Variants in SGCD observed in about 807,000 individuals in gnomAD.
SGCD encodes delta-sarcoglycan.
A neutral mutation model predicts 36.6 loss-of-function variants in SGCD; 18 were observed. The ratio of observed to expected loss-of-function variants is 0.49; its 90% CI spans 0.34 to 0.73. SGCD has a LOEUF of 0.73. Among genes scored for constraint, SGCD ranks in the 30% least tolerant of loss-of-function variants. SGCD has a pLI of 0.01. For missense variants in SGCD, 387 were observed against 346.7 expected, an observed-to-expected ratio of 1.12 and a Z score of -0.92; for synonymous variants, 133 against 130.6, an observed-to-expected ratio of 1.02 and a Z score of -0.12.
At chr5:156,609,252 T>C (rs575811644) in intron 6 of SGCD, among the ~76,000 whole-genome samples, 1 of 152,292 alleles carries the variant, frequency 6.6e-6, no homozygotes, top group East Asian at 1.9e-4. Context: ...GGTGACAAAA[T>C]CTCTCAGCAT....
intron 7 of SGCD, among the ~76,000 whole-genome samples, chr5:156,676,951 A>G (rs1319756165): frequency 6.6e-6 from 1 of 152,172 alleles, no homozygotes; most frequent in Admixed American, 6.5e-5. Context: ...GACCTTAAAT[A>G]CCTAGGCAAG....
At chr5:156,613,500 G>A (rs1309497705) in intron 6 of SGCD, among the ~76,000 whole-genome samples, 1 of 152,208 alleles carries the variant, frequency 6.6e-6, no homozygotes, top group Non-Finnish European at 1.5e-5. Context: ...TCTCCAGTTG[G>A]ACCTTAAGTA....
At chr5:156,307,879 TCTTTTA>T (rs1561611951) in intron 3 of SGCD, among the ~76,000 whole-genome samples, 287 of 152,250 alleles carry the variant, frequency 1.9e-3, no homozygotes, top group African/African-American at 6.8e-3. Context: ...AAACTGATAA[TCTTTTA>T]ATGCGTTAGT....
intron 3 of SGCD, among the ~76,000 whole-genome samples, chr5:156,188,474 C>A (rs1291855758): frequency 2.0e-5 from 3 of 152,084 alleles, no homozygotes; most frequent in African/African-American, 4.8e-5. Flanking sequence ...AGGACCTACT[C>A]AAATATAGCA....
At chr5:156,518,305 G>A (rs56235470) in intron 4 of SGCD, among the ~76,000 whole-genome samples, 35,949 of 152,052 alleles carry the variant, frequency 0.24, 4,805 homozygotes, top group Non-Finnish European at 0.31. Context: ...AAATATATAT[G>A]CACCCAAATA....
chr5:156,415,974 C>T (rs551304935), intron 3 of SGCD, among the ~76,000 whole-genome samples: 30 of 152,212 alleles, frequency 2.0e-4, no homozygotes, highest in Admixed American at 1.6e-3. Flanking sequence ...CATCAAATTG[C>T]TGAAACATTA....
intron 1 of SGCD, among the ~76,000 whole-genome samples, chr5:156,036,315 T>G (rs1759495086): frequency 6.6e-6 from 1 of 152,126 alleles, no homozygotes; most frequent in Non-Finnish European, 1.5e-5. Flanking sequence ...AGCAGAGTTT[T>G]TAAAGGCAGG....
At chr5:156,108,310 A>T (rs1185499621) in intron 1 of SGCD, among the ~76,000 whole-genome samples, 1 of 152,168 alleles carries the variant, frequency 6.6e-6, no homozygotes, top group Non-Finnish European at 1.5e-5. Context: ...GCAAGCAGTT[A>T]TGTATAGGAT....
At chr5:156,060,501 G>A (rs1025823362) in intron 1 of SGCD, among the ~76,000 whole-genome samples, 1 of 146,486 alleles carries the variant, frequency 6.8e-6, no homozygotes, top group Non-Finnish European at 1.5e-5. Flanking sequence ...CAAATATTCA[G>A]TTCATTTCTT....
intron 1 of SGCD, among the ~76,000 whole-genome samples, chr5:155,963,009 C>T (rs1757822828): frequency 2.0e-5 from 3 of 152,138 alleles, no homozygotes; most frequent in South Asian, 4.1e-4. Context: ...AGCAGGTCTC[C>T]GTTTGATTAT....
intron 1 of SGCD, among the ~76,000 whole-genome samples, chr5:156,103,675 T>A (rs1234892499): frequency 3.3e-5 from 5 of 152,110 alleles, no homozygotes; most frequent in African/African-American, 1.2e-4. Context: ...TCATAATGAA[T>A]CATATATGAA....
chr5:155,847,609 C>T, the SGCD span, among the ~76,000 whole-genome samples: 1 of 152,140 alleles, frequency 6.6e-6, no homozygotes, highest in Non-Finnish European at 1.5e-5. Context: ...GCAGCTTCCA[C>T]TTTGATCTCT....
chr5:156,431,723 T>C (rs1188233176), intron 3 of SGCD, among the ~76,000 whole-genome samples: 1 of 152,094 alleles, frequency 6.6e-6, no homozygotes, highest in Non-Finnish European at 1.5e-5. Flanking sequence ...TTTTGTTTTG[T>C]TTTGTTTTTT....
At chr5:156,539,995 T>C (rs1758288342) in intron 4 of SGCD, among the ~76,000 whole-genome samples, 1 of 152,144 alleles carries the variant, frequency 6.6e-6, no homozygotes, top group African/African-American at 2.4e-5. Context: ...TACAGAACAC[T>C]AAGTGAATAC....
At chr5:156,324,687 T>G (rs2127698112), upstream of SGCD, among the ~76,000 whole-genome samples, 1 of 152,060 alleles carries the variant, frequency 6.6e-6, no homozygotes, top group Middle Eastern at 3.4e-3. Flanking sequence ...TCAGCTTGAG[T>G]TTTTTTTAAA....
At chr5:156,362,383 C>T (rs534334350) in intron 3 of SGCD, among the ~76,000 whole-genome samples, 1 of 152,200 alleles carries the variant, frequency 6.6e-6, no homozygotes, top group Non-Finnish European at 1.5e-5. Flanking sequence ...CGTGGTGGCT[C>T]ATGCCTGTAA....
At chr5:156,423,072 T>C (rs538696872) in intron 3 of SGCD, among the ~76,000 whole-genome samples, 137 of 147,012 alleles carry the variant, frequency 9.3e-4, no homozygotes, top group Middle Eastern at 3.5e-3. Flanking sequence ...TACAAAGGCA[T>C]ATAAGCTCCA....
intron 1 of SGCD, among the ~76,000 whole-genome samples, chr5:156,070,355 TG>T (rs931603128): frequency 1.3e-5 from 2 of 151,802 alleles, no homozygotes; most frequent in Non-Finnish European, 2.9e-5. Flanking sequence ...TGTTGAATTT[TG>T]TCAAAGGCCT....
chr5:156,568,710 A>C (rs1759596143), intron 4 of SGCD, among the ~76,000 whole-genome samples: 1 of 152,246 alleles, frequency 6.6e-6, no homozygotes. Flanking sequence ...ACATGCTAAA[A>C]GTGCAGATTT....
Sources: allele counts gnomAD v4.1 joint callset (sites outside exome capture counted in the v4.1 genomes callset), GRCh38; gene constraint gnomAD v4.1.1; transcripts MANE v1.5; gene names NCBI Gene and HGNC (gene_info 2026-07-23, HGNC 2026-07-21).